LRIG3: variants seen among roughly 807,000 people sequenced by gnomAD.
LRIG3 encodes the protein leucine-rich repeats and immunoglobulin-like domains protein 3.
Under a neutral mutation model 114.5 loss-of-function variants are expected in LRIG3, and 76 were observed. The observed-to-expected ratio is 0.66, with a 90% CI of 0.55 to 0.80. The LOEUF (loss-of-function observed/expected upper bound fraction) is 0.80. Among genes scored for constraint, LRIG3 ranks in the 30% least tolerant of loss-of-function variants. LRIG3 has a pLI of 0.00. For missense variants in LRIG3, 1,239 were observed against 1,382.8 expected (o/e 0.90, Z 1.65); for synonymous variants, 512 against 519.8 (o/e 0.98, Z 0.20).
chr12:58,878,874 G>C lies in LRIG3; in HGVS notation c.2033C>G (p.Ala678Gly), dbSNP rs765005441. 3.7e-6 allele frequency: 6 copies of C among 1,614,082 alleles called. No homozygotes were observed. The East Asian group carries it at 1.3e-4, about 36-fold the overall frequency. The change falls in exon 14 of 19, where the codon GCT becomes GGT. Residue 678 changes from alanine to glycine, a missense_variant. Coordinates refer to ENST00000320743, the MANE Select transcript of LRIG3 (RefSeq NM_153377.5). ...IEDIGVYSCT[A>G]QNSAGSISAN... ...TGAAATACTTCCTGCACTGTTCTGA[G>C]CTGTGCAGCTGTATACCCCAATGTC...
chr12:58,887,896 A>C lies in LRIG3; in HGVS notation c.984T>G (p.Asp328Glu). The C allele has an allele frequency of 6.2e-7, 1 of 1,613,906 alleles. No individual in the cohort carries two copies. Among genetic ancestry groups the C allele is most frequent in the South Asian group, 1.1e-5 (1 of 91,064 alleles). Residue 328 changes from aspartate (D) to glutamate (E), a missense_variant, in exon 8 of 19, where the codon GAT (aspartate) becomes GAG (glutamate). Coordinates refer to ENST00000320743, the MANE Select transcript of LRIG3 (RefSeq NM_153377.5). ...GTAAGCTTAGGCCAAGGAAGCTTGA[A>C]TCATCTAACCTTGATAAGTGATTGA... ...LTFNHLSRLD[D>E]SSFLGLSLLN...
At chr12:58,890,552 A>G in intron 4 of LRIG3, 113 bp downstream of exon 4, 1 of 1,020,674 alleles carries the variant, frequency 9.8e-7, no homozygotes, top group South Asian at 2.3e-5. Flanking sequence ...AAGTCAATAA[A>G]TTATACTTTC....
chr12:58,892,842 C>G (rs1450994356), intron 3 of LRIG3, among the ~76,000 whole-genome samples: 4 of 152,184 alleles, frequency 2.6e-5, no homozygotes, highest in African/African-American at 7.2e-5. Flanking sequence ...TCTGATTGTT[C>G]CTAAAGCAAT....
rs1248373968 is a variant in LRIG3, at chr12:58,878,987, C to T, written c.1920G>A (p.Gly640=). ...CCCGTGCAGCTGGGAAGTCTGTGCCCCCATCCTTCTGCCAGGCTATCTGGG... is the reference window on the plus strand; with the variant it reads ...CCCGTGCAGCTGGGAAGTCTGTGCCTCCATCCTTCTGCCAGGCTATCTGGG... The part of the protein sequence containing the change: ...PAPQIAWQKD[G]GTDFPAARER... The change falls in exon 14 of 19, where the codon GGG becomes GGA. Residue 640 remains glycine, a synonymous_variant. Transcript: ENST00000320743. 3 of 1,614,194 alleles carry T rather than the reference C, an allele frequency of 1.9e-6. No individual in the cohort carries two copies. The South Asian group carries it at 3.3e-5, about 18-fold the overall frequency.
In LRIG3 at chr12:58,920,069, T is replaced by C. The variant is rs1872615669; in HGVS notation, c.167A>G (p.Asp56Gly). ...PCPTTCRCLG[D>G]LLDCSRKRLA... The stretch of plus-strand genomic sequence containing the variant: ...CCGCTTACGACTGCAGTCCAGCAGG[T>C]CCCCGAGGCAGCGGCAGGTAGTGGG... The change falls in exon 1 of 19, where the codon GAC becomes GGC. Residue 56 changes from aspartate to glycine, a missense_variant. Coordinates refer to ENST00000320743, the MANE Select transcript of LRIG3 (RefSeq NM_153377.5). The C allele has an allele frequency of 6.4e-7, 1 of 1,556,306 alleles. No homozygotes were observed. Among genetic ancestry groups the C allele is most frequent in the Non-Finnish European group, 8.7e-7 (1 of 1,150,306 alleles).
At chr12:58,876,741 G>T in intron 15 of LRIG3, 138 bp from the exon 16 acceptor site, 1 of 836,584 alleles carries the variant, frequency 1.2e-6, no homozygotes, top group Non-Finnish European at 1.8e-6. Context: ...AAACCATCTC[G>T]ATTGTACAGT....
intron 3 of LRIG3, among the ~76,000 whole-genome samples, chr12:58,895,638 C>T (rs986260579): frequency 6.6e-6 from 1 of 152,112 alleles, no homozygotes; most frequent in Admixed American, 6.6e-5. Context: ...TCAAGATCAA[C>T]TGTGGGGAGG....
chr12:58,903,063 T>C (rs1871925838), intron 3 of LRIG3, among the ~76,000 whole-genome samples: 1 of 152,204 alleles, frequency 6.6e-6, no homozygotes, highest in Non-Finnish European at 1.5e-5. Flanking sequence ...CAGCATGATT[T>C]ATAGTCCTTT....
intron 11 of LRIG3, 90 bp from the exon 12 acceptor site, chr12:58,883,122 G>A: frequency 4.5e-6 from 6 of 1,322,192 alleles, no homozygotes; most frequent in Non-Finnish European, 5.1e-6. Flanking sequence ...ACAAAGCAAT[G>A]AATTTGGAAA....
In LRIG3 at chr12:58,887,814, G is replaced by A. The variant is rs372234755; in HGVS notation, c.1066C>T (p.Arg356Trp). 18 of 1,613,558 alleles carry A rather than the reference G, an allele frequency of 1.1e-5. No individual in the cohort carries two copies. Among genetic ancestry groups the A allele is most frequent in the Non-Finnish European group, 1.4e-5 (16 of 1,179,746 alleles). ...AAAGTCTTTAAACTGGAAAGCCCCC[G>A]GAAGGCACAATCAGCAATGTAGCTG... ...RVSYIADCAF[R>W]GLSSLKTLDL... The change falls in exon 8 of 19, where the codon CGG (arginine) becomes TGG (tryptophan). Residue 356 changes from arginine to tryptophan, a missense_variant. Coordinates refer to ENST00000320743, the MANE Select transcript of LRIG3 (RefSeq NM_153377.5).
chr12:58,897,554 G>A (rs980970202), intron 3 of LRIG3, among the ~76,000 whole-genome samples: 3 of 152,122 alleles, frequency 2.0e-5, no homozygotes, highest in Non-Finnish European at 4.4e-5. Context: ...AATCCAGCCT[G>A]AGCAACATTG....
rs115885923 is a variant in LRIG3 at position 58,912,047 on chromosome 12, G to A, written c.383+1935C>T. Among the ~76,000 whole-genome samples the A allele has an allele frequency of 9.0e-3, 1,364 of 152,234 alleles. 24 individuals are homozygous for A. Among genetic ancestry groups the A allele is most frequent in the African/African-American group, 0.031 (1,297 of 41,524 alleles). ...GGTATTGTAACACATTAAGGAGAAAGAAAGTGAAATTATTCAGGGTGATTT... is the reference window on the plus strand; with the variant it reads ...GGTATTGTAACACATTAAGGAGAAAAAAAGTGAAATTATTCAGGGTGATTT... On this transcript the variant is annotated intron_variant, in intron 3 of 18. Coordinates refer to ENST00000320743, the MANE Select transcript of LRIG3 (RefSeq NM_153377.5).
rs1872629276 is a variant in LRIG3, at chr12:58,920,326, G to GCCCTCGCGGTCGCGTGCGCGCTCCT, written c.-116_-92dup. On this transcript the variant is annotated 5_prime_UTR_variant, in exon 1 of 19. Coordinates refer to ENST00000320743, the MANE Select transcript of LRIG3 (RefSeq NM_153377.5). ...AACTTCCAGCCGAGGGTGCACGCCC[G>GCCCTCGCGGTCGCGTGCGCGCTCCT]CCCTCGCGGTCGCGTGCGCGCTCCT... The GCCCTCGCGGTCGCGTGCGCGCTCCT allele has an allele frequency of 6.1e-6, 6 of 980,192 alleles. No homozygotes were observed. The East Asian group carries it at 1.0e-4, about 16-fold the overall frequency. 60.7% of individuals were successfully genotyped at this position (980,192 alleles called of 1,614,324 possible).
Position 58,880,601 on chromosome 12 carries a change from TTG to T in LRIG3, c.1779_1780del (p.Lys594SerfsTer65). On this transcript the variant is annotated frameshift_variant, in exon 13 of 19. Coordinates refer to ENST00000320743, the MANE Select transcript of LRIG3 (RefSeq NM_153377.5). LOFTEE classifies it high-confidence loss of function. ...CATACTATTTACTGTAAGCTTGGCTTTGACAGAGTAGGATGAACCAAAGTGAT... is the reference window on the plus strand; with the variant it reads ...CATACTATTTACTGTAAGCTTGGCTTACAGAGTAGGATGAACCAAAGTGAT... 6.2e-7 allele frequency: 1 copy of T among 1,612,572 alleles called. No individual in the cohort carries two copies.
intron 3 of LRIG3, among the ~76,000 whole-genome samples, chr12:58,912,274 A>G (rs1240426859): frequency 6.6e-6 from 1 of 152,110 alleles, no homozygotes; most frequent in Non-Finnish European, 1.5e-5. Context: ...AGGCGGGAGG[A>G]TTACGAGGTC....
At chr12:58,912,933 T>C (rs1872339969) in intron 3 of LRIG3, among the ~76,000 whole-genome samples, 1 of 152,272 alleles carries the variant, frequency 6.6e-6, no homozygotes, top group Non-Finnish European at 1.5e-5. Flanking sequence ...CTCCTTTCTG[T>C]TTCTGATCTT....
chr12:58,883,528 C>T lies in LRIG3; in HGVS notation c.1308G>A (p.Leu436=). ...QGNAFSQMKK[L]QQLHLNTSSL... ...GGAAAAGAAAAGCTTACAATTGTTG[C>T]AGTTTCTTCATTTGTGAAAATGCAT... is the stretch of plus-strand genomic sequence containing the variant. Residue 436 remains leucine, a synonymous_variant, in exon 11 of 19, where the codon CTG becomes CTA. Coordinates refer to ENST00000320743, the MANE Select transcript of LRIG3 (RefSeq NM_153377.5). The T allele has an allele frequency of 6.5e-7, 1 of 1,542,546 alleles. No individual in the cohort carries two copies.
intron 5 of LRIG3, 61 bp downstream of exon 5, chr12:58,889,935 G>T (rs975313889): frequency 6.4e-7 from 1 of 1,563,928 alleles, no homozygotes; most frequent in Non-Finnish European, 8.7e-7. Context: ...AGATTTTAAG[G>T]AAAAGACACC....
chr12:58,885,649 G>A (rs1871252457), intron 10 of LRIG3, among the ~76,000 whole-genome samples, 182 bp downstream of exon 10: 1 of 152,064 alleles, frequency 6.6e-6, no homozygotes, highest in African/African-American at 2.4e-5. Context: ...TTCTATATAG[G>A]TAGGTAGGTA....
Sources: allele counts gnomAD v4.1 joint callset (sites outside exome capture counted in the v4.1 genomes callset), GRCh38; gene constraint gnomAD v4.1.1; transcripts MANE v1.5; gene names NCBI Gene and HGNC (gene_info 2026-07-23, HGNC 2026-07-21).